The following SDK1 variants were observed in gnomAD, a reference collection of about 807,000 sequenced individuals.
The protein encoded by SDK1 is protein sidekick-1.
A neutral mutation model predicts 245.5 loss-of-function variants in SDK1; 157 were observed. The ratio of observed to expected loss-of-function variants is 0.64; its 90% CI spans 0.56 to 0.73. The LOEUF is 0.73. Among genes scored for constraint, SDK1 ranks in the 30% least tolerant of loss-of-function variants. The pLI, the probability that SDK1 is intolerant of heterozygous loss-of-function variation, is 0.00. For synonymous variants in SDK1, 1,647 were observed against 1,278.5 expected (o/e 1.29, Z -6.15); for missense variants, 3,583 against 3,002.3 (o/e 1.19, Z -4.52).
chr7:3,822,318 T>C (rs1299236196), intron 5 of SDK1, among the ~76,000 whole-genome samples: 1 of 152,206 alleles, frequency 6.6e-6, no homozygotes, highest in African/African-American at 2.4e-5. Flanking sequence ...TGTCATGCGG[T>C]TGAGAAAATA....
chr7:3,399,151 A>G (rs1281518671), intron 1 of SDK1, among the ~76,000 whole-genome samples: 1 of 150,934 alleles, frequency 6.6e-6, no homozygotes, highest in African/African-American at 2.5e-5. Context: ...TTTTTTTTTC[A>G]TAATTTATTC....
At position 3,364,832 on chromosome 7, in the gene SDK1, A is replaced by G. The variant is rs149438307; in HGVS notation, c.298+62948A>G. 2.8e-3 allele frequency among the ~76,000 whole-genome samples: 425 copies of G among 152,214 alleles called. 3 individuals carry two copies. Among genetic ancestry groups the G allele is most frequent in the African/African-American group, 9.7e-3 (404 of 41,532 alleles). On this transcript the variant is annotated intron_variant, in intron 1 of 44. Transcript: ENST00000404826. Reference sequence around the variant, plus strand: ...AGAAAAAAATCTTGCTGTGATTTTGATAGGAATTGCATCAAATCTTTGGAA... The same window carrying G: ...AGAAAAAAATCTTGCTGTGATTTTGGTAGGAATTGCATCAAATCTTTGGAA...
rs536372125 is a variant in SDK1, at chr7:3,964,224, C to G, written c.1429+1373C>G. On this transcript the variant is annotated intron_variant, in intron 9 of 44. Coordinates refer to ENST00000404826, the MANE Select transcript of SDK1 (RefSeq NM_152744.4). ...CAGACCAGGAGAGCCAGCTCTCAAGCACACCTGAAGCCTTTGTGGGTCCTG... is the reference window on the plus strand; with the variant it reads ...CAGACCAGGAGAGCCAGCTCTCAAGGACACCTGAAGCCTTTGTGGGTCCTG... 2.6e-5 allele frequency among the ~76,000 whole-genome samples: 4 copies of G among 152,332 alleles called. No homozygotes were observed. In the East Asian group the frequency reaches 7.7e-4, roughly 29 times the overall value.
intron 1 of SDK1, among the ~76,000 whole-genome samples, chr7:3,345,206 G>A (rs767532235): frequency 2.6e-5 from 4 of 152,096 alleles, no homozygotes; most frequent in Non-Finnish European, 5.9e-5. Flanking sequence ...GATAACTTAC[G>A]GATTTTATAG....
At chr7:3,420,386 C>G (rs980144339) in intron 1 of SDK1, among the ~76,000 whole-genome samples, 6 of 152,146 alleles carry the variant, frequency 3.9e-5, no homozygotes, top group African/African-American at 1.4e-4. Flanking sequence ...ACTTTCTGTT[C>G]TTGGATTTTT....
intron 13 of SDK1, 126 bp downstream of exon 13, chr7:3,974,671 C>A: frequency 3.8e-6 from 3 of 796,616 alleles, no homozygotes; most frequent in East Asian, 2.7e-5. Context: ...CAGAGGCCAG[C>A]GCATCATGCT....
At chr7:3,582,798 C>G (rs983316633) in intron 1 of SDK1, among the ~76,000 whole-genome samples, 1 of 150,810 alleles carries the variant, frequency 6.6e-6, no homozygotes, top group Non-Finnish European at 1.5e-5. Flanking sequence ...CTTTCACGTT[C>G]TCCAGGCTCT....
intron 4 of SDK1, among the ~76,000 whole-genome samples, chr7:3,699,750 A>T (rs1444820118): frequency 1.3e-5 from 2 of 152,222 alleles, no homozygotes; most frequent in African/African-American, 4.8e-5. Flanking sequence ...GATTTCCTGA[A>T]TATGGCATTT....
At chr7:3,988,153 T>TAA (rs1784022620) in intron 14 of SDK1, among the ~76,000 whole-genome samples, 4 of 147,770 alleles carry the variant, frequency 2.7e-5, no homozygotes, top group African/African-American at 1.0e-4. Flanking sequence ...TTTTTTTTTT[T>TAA]TTTTACCTCA....
rs1487342900 is a variant in SDK1 at position 3,815,880 on chromosome 7, A to G, written c.714-5570A>G. 4.0e-5 allele frequency among the ~76,000 whole-genome samples: 6 copies of G among 148,358 alleles called. No homozygotes were observed. The East Asian group carries it at 1.2e-3, about 29-fold the overall frequency. On this transcript the variant is annotated intron_variant, in intron 4 of 44. Coordinates refer to ENST00000404826, the MANE Select transcript of SDK1 (RefSeq NM_152744.4). ...CCTCAGCAAATGTAAAACAACAGAA[A>G]TTATAACAAACTATCTCTCAGACCA...
At chr7:3,955,881 C>G (rs772967160) in intron 7 of SDK1, among the ~76,000 whole-genome samples, 1 of 152,136 alleles carries the variant, frequency 6.6e-6, no homozygotes, top group Non-Finnish European at 1.5e-5. Flanking sequence ...TGGGGGCAGT[C>G]TGGGAGGTCT....
Position 3,301,651 on chromosome 7 carries a change from G to A in SDK1, c.65G>A (p.Arg22His), listed in dbSNP as rs1779261706. The part of the protein sequence containing the change: ...GGGGGAEPPE[R>H]AGPGRPRGSP... ...GGCGGCGGCGCGGAGCCCCCTGAGC[G>A]CGCGGGCCCCGGGCGGCCGCGGGGA... Residue 22 changes from arginine to histidine, a missense_variant, in exon 1 of 45, where the codon CGC becomes CAC. Arg to His is a conservative substitution (Grantham distance 29). Coordinates refer to ENST00000404826, the MANE Select transcript of SDK1 (RefSeq NM_152744.4). 4 of 976,584 alleles carry A rather than the reference G, an allele frequency of 4.1e-6. No individual in the cohort carries two copies. Among genetic ancestry groups the A allele is most frequent in the South Asian group, 9.4e-5 (2 of 21,318 alleles). 60.5% of individuals were successfully genotyped at this position (976,584 alleles called of 1,614,324 possible). A position where few individuals can be genotyped will look rare whatever the true frequency, so the allele number is the denominator to read the frequency against.
At chr7:4,190,563 C>T (rs1783137541) in intron 35 of SDK1, among the ~76,000 whole-genome samples, 1 of 152,236 alleles carries the variant, frequency 6.6e-6, no homozygotes, top group African/African-American at 2.4e-5. Flanking sequence ...AAGCCCTCGC[C>T]AAGGAGTGCA....
At chr7:4,261,382 C>T (rs1445479424) in intron 44 of SDK1, among the ~76,000 whole-genome samples, 2 of 152,162 alleles carry the variant, frequency 1.3e-5, no homozygotes, top group Non-Finnish European at 2.9e-5. Context: ...GGCAACTCTC[C>T]CATCCCCTGC....
chr7:4,164,208 C>A (rs1781348927), intron 32 of SDK1, among the ~76,000 whole-genome samples: 1 of 152,318 alleles, frequency 6.6e-6, no homozygotes, highest in East Asian at 1.9e-4. Flanking sequence ...CCCACCTCTG[C>A]CCCTGGGAAG....
intron 17 of SDK1, among the ~76,000 whole-genome samples, chr7:4,018,100 C>G (rs1201855942): frequency 1.3e-5 from 2 of 152,224 alleles, no homozygotes; most frequent in Non-Finnish European, 2.9e-5. Flanking sequence ...CCAACACAGC[C>G]TCATTTGTCC....
At chr7:4,077,337 G>A (rs1304280775) in intron 21 of SDK1, 148 bp downstream of exon 21, 2 of 727,728 alleles carry the variant, frequency 2.7e-6, no homozygotes, top group African/African-American at 1.8e-5. Context: ...AGGGTAAATG[G>A]GTGTTGACCC....
intron 1 of SDK1, among the ~76,000 whole-genome samples, chr7:3,607,562 G>C (rs1261510102): frequency 3.3e-5 from 5 of 152,184 alleles, no homozygotes; most frequent in Admixed American, 6.5e-5. Flanking sequence ...GAATGACAGA[G>C]CAAATAATCA....
chr7:3,797,121 C>T (rs926671263), intron 4 of SDK1, among the ~76,000 whole-genome samples: 4 of 151,878 alleles, frequency 2.6e-5, no homozygotes, highest in Non-Finnish European at 5.9e-5. Context: ...ATCCTACTGC[C>T]TCAGTCTCAC....
Sources: allele counts gnomAD v4.1 joint callset (sites outside exome capture counted in the v4.1 genomes callset), GRCh38; gene constraint gnomAD v4.1.1; transcripts MANE v1.5; gene names NCBI Gene and HGNC (gene_info 2026-07-23, HGNC 2026-07-21).